Variants in PINX1 observed in about 807,000 individuals in gnomAD.
The protein encoded by PINX1 is PIN2/TERF1-interacting telomerase inhibitor 1.
Under a neutral mutation model 25.4 loss-of-function variants are expected in PINX1, and 34 were observed. That is an observed-to-expected ratio of 1.34 (90% CI 1.02 to 1.78). The LOEUF (loss-of-function observed/expected upper bound fraction) is 1.78, where lower values mean the gene tolerates loss of function less well. Among genes scored for constraint, PINX1 ranks in the 40% most tolerant of loss-of-function variants. PINX1 has a pLI of 0.00. For synonymous variants in PINX1, 197 were observed against 147.7 expected (o/e 1.33, Z -2.42); for missense variants, 592 against 404.9 (o/e 1.46, Z -3.97).
At chr8:10,825,233 A>C (rs1586200605) in intron 5 of PINX1, 7 of 439,620 alleles carry the variant, frequency 1.6e-5, no homozygotes, top group South Asian at 1.2e-4. Flanking sequence ...GGCTGGCTGT[A>C]CAAGTTAAGA....
intron 1 of PINX1, among the ~76,000 whole-genome samples, chr8:10,837,516 A>T (rs923033520): frequency 6.6e-6 from 1 of 152,198 alleles, no homozygotes; most frequent in African/African-American, 2.4e-5. Context: ...TCTGGGGATG[A>T]TCTTGGGGAC....
intron 5 of PINX1, chr8:10,825,543 A>T (rs1390195686): frequency 6.0e-6 from 3 of 503,674 alleles, no homozygotes; most frequent in Non-Finnish European, 1.2e-5. Flanking sequence ...CCGCATGCAC[A>T]AATGATTTCA....
At chr8:10,818,136 G>A (rs2129085088) in intron 6 of PINX1, among the ~76,000 whole-genome samples, 1 of 152,194 alleles carries the variant, frequency 6.6e-6, no homozygotes, top group South Asian at 2.1e-4. Flanking sequence ...CCAACAGGTA[G>A]GACCTAAATT....
At chr8:10,787,304 G>T (rs945336993) in intron 6 of PINX1, among the ~76,000 whole-genome samples, 1 of 152,000 alleles carries the variant, frequency 6.6e-6, no homozygotes. Context: ...ACAGCTCACT[G>T]TAGCCTCGAA....
In PINX1 at chr8:10,839,722, C is replaced by T. The variant is rs1798512484; in HGVS notation, c.19+16G>A. On this transcript the variant is annotated intron_variant, in intron 1 of 6. Coordinates refer to ENST00000314787, the MANE Select transcript of PINX1 (RefSeq NM_017884.6). Reference sequence around the variant, plus strand: ...CACCAACGCGCCTGGGTCGGGCCTCCGCTTCCGACACTCACGTTCAGCCAG... The same window carrying T: ...CACCAACGCGCCTGGGTCGGGCCTCTGCTTCCGACACTCACGTTCAGCCAG... 6.2e-7 allele frequency: 1 copy of T among 1,601,342 alleles called. No individual in the cohort carries two copies. Among genetic ancestry groups the T allele is most frequent in the Non-Finnish European group, 8.5e-7 (1 of 1,174,048 alleles).
At chr8:10,822,372 T>C (rs1797904377) in intron 5 of PINX1, among the ~76,000 whole-genome samples, 1 of 152,206 alleles carries the variant, frequency 6.6e-6, no homozygotes. Context: ...ATACTGTTGA[T>C]AAACTTAGAG....
intron 6 of PINX1, among the ~76,000 whole-genome samples, chr8:10,782,741 A>G (rs1406442400): frequency 6.6e-6 from 1 of 151,954 alleles, no homozygotes; most frequent in Non-Finnish European, 1.5e-5. Context: ...TCCAGATAAA[A>G]AAAAGTACTC....
Position 10,783,421 on chromosome 8 carries a change from G to C in PINX1, c.472-17505C>G, listed in dbSNP as rs371627020. Among the ~76,000 whole-genome samples, 47 of 152,304 alleles carry C rather than the reference G, an allele frequency of 3.1e-4. No homozygotes were observed. The South Asian group carries it at 9.5e-3, about 31-fold the overall frequency. On this transcript the variant is annotated intron_variant, in intron 6 of 6. Coordinates refer to ENST00000314787, the MANE Select transcript of PINX1 (RefSeq NM_017884.6). ...TGTTTGTTGTTCCCCAAAAGGACCT[G>C]TGCTTTCAAGAACCCGTGTCTTTGC...
At chr8:10,799,938 G>A (rs944313181) in intron 6 of PINX1, among the ~76,000 whole-genome samples, 4 of 152,184 alleles carry the variant, frequency 2.6e-5, no homozygotes, top group African/African-American at 7.2e-5. Context: ...CATTCCACTA[G>A]CTGACTGCTA....
intron 1 of PINX1, among the ~76,000 whole-genome samples, chr8:10,836,190 C>G (rs1320094596): frequency 1.3e-5 from 2 of 152,002 alleles, no homozygotes; most frequent in African/African-American, 4.8e-5. Flanking sequence ...ATGCACACTC[C>G]AGCAAAAATA....
intron 6 of PINX1, among the ~76,000 whole-genome samples, chr8:10,815,823 A>G (rs184153298): frequency 3.3e-5 from 5 of 152,382 alleles, no homozygotes; most frequent in Admixed American, 1.3e-4. Flanking sequence ...AAAGACATCA[A>G]ATGATTTGAT....
chr8:10,775,482 G>T (rs1039144610), intron 6 of PINX1, among the ~76,000 whole-genome samples: 1 of 136,668 alleles, frequency 7.3e-6, no homozygotes, highest in African/African-American at 2.7e-5. Flanking sequence ...TACAGGGCAA[G>T]ATTTTTATAA....
chr8:10,825,313 A>G, intron 5 of PINX1: 1 of 534,512 alleles, frequency 1.9e-6, no homozygotes, highest in South Asian at 1.4e-5. Flanking sequence ...TGTTCCTGGC[A>G]TATCAAGGTA....
chr8:10,794,760 C>T (rs569775502), intron 6 of PINX1, among the ~76,000 whole-genome samples: 13 of 152,212 alleles, frequency 8.5e-5, no homozygotes, highest in Non-Finnish European at 1.3e-4. Flanking sequence ...TGGGAAGATG[C>T]GTTCAAATTA....
chr8:10,809,833 T>C (rs917277851), intron 6 of PINX1, among the ~76,000 whole-genome samples: 9 of 152,250 alleles, frequency 5.9e-5, no homozygotes, highest in Admixed American at 4.6e-4. Context: ...TTCGAAGTTG[T>C]GTTAGTCTGT....
At chr8:10,772,075 G>A (rs373231222) in intron 6 of PINX1, among the ~76,000 whole-genome samples, 1 of 152,234 alleles carries the variant, frequency 6.6e-6, no homozygotes. Context: ...TTCTTTTTGT[G>A]GGATTAGTTG....
chr8:10,820,036 T>A (rs550057132), intron 6 of PINX1, among the ~76,000 whole-genome samples, 157 bp downstream of exon 6: 1 of 152,264 alleles, frequency 6.6e-6, no homozygotes, highest in South Asian at 2.1e-4. Context: ...CCCACTAATA[T>A]TATGAAAAGG....
intron 6 of PINX1, 41 bp downstream of exon 6, chr8:10,820,152 A>C (rs1293223971): frequency 8.1e-7 from 1 of 1,227,584 alleles, no homozygotes; most frequent in Non-Finnish European, 1.2e-6. Context: ...AAAATCAGAC[A>C]GTATTAAAGC....
At chr8:10,766,024 C>A (rs71516594) in intron 6 of PINX1, 108 bp from the exon 7 acceptor site, 53,407 of 1,035,628 alleles carry the variant, frequency 0.052, 1,619 homozygotes, top group African/African-American at 0.087. Flanking sequence ...CCACACCCGG[C>A]GCTCACACCC....
Sources: gnomAD v4.1 joint callset for allele counts (sites outside exome capture counted in the v4.1 genomes callset) on GRCh38, gnomAD v4.1.1 for gene constraint, MANE v1.5 for transcripts, NCBI Gene and HGNC (gene_info 2026-07-23, HGNC 2026-07-21) for gene names.